The following DCDC1 variants were observed in gnomAD, a reference collection of about 807,000 sequenced individuals.
DCDC1 encodes doublecortin domain-containing protein 1.
DCDC1 carries 200 observed loss-of-function variants against 178.3 expected under a neutral mutation model. The ratio of observed to expected loss-of-function variants is 1.12; its 90% CI spans 1.00 to 1.26. DCDC1 has a LOEUF of 1.26. Ranked by LOEUF, DCDC1 falls within the 50% of genes most tolerant of loss-of-function variation. The pLI is 0.00. For missense variants in DCDC1, 1,983 were observed against 1,749.2 expected, an observed-to-expected ratio of 1.13 and a Z score of -2.38; for synonymous variants, 690 against 604.8, an observed-to-expected ratio of 1.14 and a Z score of -2.07.
chr11:30,939,713 G>T (rs913613664), intron 21 of DCDC1, among the ~76,000 whole-genome samples: 4 of 151,964 alleles, frequency 2.6e-5, no homozygotes, highest in African/African-American at 9.7e-5. Context: ...TTTGCTTATT[G>T]TGACCTTCTA....
chr11:31,345,134 A>G (rs1411992786), intron 1 of DCDC1, among the ~76,000 whole-genome samples: 1 of 152,188 alleles, frequency 6.6e-6, no homozygotes, highest in Non-Finnish European at 1.5e-5. Context: ...TTATAACCTT[A>G]TGGTCAAAGG....
rs763722980 is a variant in DCDC1, at chr11:31,307,931, G to T, written c.165-23C>A. On this transcript the variant is annotated intron_variant, in intron 3 of 38. Transcript: ENST00000684477. ...TCTCTGGAAGAAACAATGCATGGAA[G>T]AATACAATTAATTGATTTGTAATCA... 7.4e-6 allele frequency: 12 copies of T among 1,611,144 alleles called. No individual in the cohort carries two copies. In the African/African-American group the frequency reaches 1.5e-4, roughly 20 times the overall value.
rs1262328001 is a variant in DCDC1 at position 31,241,487 on chromosome 11, T to C, written c.1184A>G (p.Tyr395Cys). 6 of 397,342 alleles carry C rather than the reference T, an allele frequency of 1.5e-5. No individual in the cohort carries two copies. The East Asian group carries it at 2.1e-4, about 14-fold the overall frequency. The allele number at this position is 397,342 out of a possible 1,614,324, so 24.6% of individuals were successfully genotyped here. A position where few individuals can be genotyped will look rare whatever the true frequency, so the allele number is the denominator to read the frequency against. The change falls in exon 9 of 39, where the codon TAC (tyrosine) becomes TGC (cysteine). Residue 395 changes from tyrosine to cysteine, a missense_variant. By Grantham distance (194) the Tyr-to-Cys change is radical. Coordinates refer to ENST00000684477, the MANE Select transcript of DCDC1 (RefSeq NM_001387274.1). The part of the protein sequence containing the change: ...MYIQGVLLAL[Y>C]QRLKSAKKYY... ...TTTTTTTGCAGACTTTAATCGTTGGTACAGGGCCAAAAGAACTCCTTGGAT... is the reference window on the plus strand; with the variant it reads ...TTTTTTTGCAGACTTTAATCGTTGGCACAGGGCCAAAAGAACTCCTTGGAT...
chr11:30,937,404 C>G (rs954577072), intron 21 of DCDC1, among the ~76,000 whole-genome samples: 1 of 152,110 alleles, frequency 6.6e-6, no homozygotes, highest in Non-Finnish European at 1.5e-5. Context: ...CTCCCCCAGT[C>G]CTCATCAATG....
At chr11:31,054,738 G>T (rs1461860270) in intron 20 of DCDC1, among the ~76,000 whole-genome samples, 1 of 152,194 alleles carries the variant, frequency 6.6e-6, no homozygotes, top group Non-Finnish European at 1.5e-5. Context: ...AGTGGGGAAA[G>T]GACACCTTTT....
At chr11:31,340,270 C>T (rs1395003023) in intron 1 of DCDC1, among the ~76,000 whole-genome samples, 1 of 151,994 alleles carries the variant, frequency 6.6e-6, no homozygotes, top group Non-Finnish European at 1.5e-5. Flanking sequence ...ACAAATCTAC[C>T]CCACACTATT....
At chr11:31,028,143 A>AT (rs1242544779) in intron 20 of DCDC1, among the ~76,000 whole-genome samples, 3 of 152,010 alleles carry the variant, frequency 2.0e-5, no homozygotes, top group Non-Finnish European at 4.4e-5. Context: ...TAATAAAGCT[A>AT]TTTTTTCTAA....
intron 9 of DCDC1, among the ~76,000 whole-genome samples, chr11:31,204,091 C>G (rs1323078270): frequency 6.6e-6 from 1 of 152,062 alleles, no homozygotes; most frequent in Non-Finnish European, 1.5e-5. Context: ...CCTACCATGT[C>G]CAATTTCAAG....
intron 21 of DCDC1, among the ~76,000 whole-genome samples, chr11:30,935,151 C>G (rs1947195093): frequency 6.6e-6 from 1 of 152,170 alleles, no homozygotes; most frequent in South Asian, 2.1e-4. Flanking sequence ...GGCAGGGAGA[C>G]CTTGGCCCCT....
At chr11:31,289,998 A>G (rs1002441477) in intron 7 of DCDC1, among the ~76,000 whole-genome samples, 2 of 152,034 alleles carry the variant, frequency 1.3e-5, no homozygotes, top group Non-Finnish European at 2.9e-5. Flanking sequence ...AAAAAAATGT[A>G]TGTGTGTTTC....
rs905534520 is a variant in DCDC1 at position 31,219,807 on chromosome 11, G to A, written c.1221+21643C>T. Among the ~76,000 whole-genome samples, 7 of 152,098 alleles carry A rather than the reference G, an allele frequency of 4.6e-5. No homozygotes were observed. In the South Asian group the frequency reaches 1.5e-3, roughly 32 times the overall value. On this transcript the variant is annotated intron_variant, in intron 9 of 38. Transcript: ENST00000684477. ...GCACATATAAATTTTACCATTTTTAGGTATTATCTCATTTTTAAGTGTTTA... is the reference window on the plus strand; with the variant it reads ...GCACATATAAATTTTACCATTTTTAAGTATTATCTCATTTTTAAGTGTTTA...
intron 20 of DCDC1, among the ~76,000 whole-genome samples, chr11:31,058,679 T>C (rs1217764320): frequency 6.6e-6 from 1 of 152,074 alleles, no homozygotes. Flanking sequence ...TTGAAAGATA[T>C]GGAACTGAGG....
rs191076018 is a variant in DCDC1, at chr11:31,301,691, C to T, written c.754+3924G>A. On this transcript the variant is annotated intron_variant, in intron 6 of 38. Coordinates refer to ENST00000684477, the MANE Select transcript of DCDC1 (RefSeq NM_001387274.1). ...GCTATTTAGAATGTGTCTTGTGTGT[C>T]GTGGAATTGAAATATTTCCAAATCA... Among the ~76,000 whole-genome samples the T allele has an allele frequency of 6.6e-4, 100 of 152,124 alleles. 1 individual carries two copies. The highest frequency in any genetic ancestry group is 2.0e-3 in the African/African-American group (81 of 41,510).
At chr11:31,003,239 C>T (rs1951669443) in intron 20 of DCDC1, among the ~76,000 whole-genome samples, 10 of 151,872 alleles carry the variant, frequency 6.6e-5, no homozygotes, top group Admixed American at 6.6e-4. Flanking sequence ...CACAAGCTGC[C>T]ACGAAGCACT....
At chr11:30,881,638 A>AT (rs987646225) in intron 36 of DCDC1, among the ~76,000 whole-genome samples, 83 of 152,046 alleles carry the variant, frequency 5.5e-4, no homozygotes, top group African/African-American at 1.7e-3. Flanking sequence ...GCTAAAAACA[A>AT]TTTTTTTTAG....
chr11:31,068,494 T>A (rs988260265), intron 18 of DCDC1, among the ~76,000 whole-genome samples: 2 of 152,150 alleles, frequency 1.3e-5, no homozygotes, highest in Admixed American at 6.6e-5. Flanking sequence ...GATGTCAGTA[T>A]GAAAAGATGG....
At chr11:31,138,850 G>C (rs1963478806) in intron 9 of DCDC1, among the ~76,000 whole-genome samples, 1 of 152,062 alleles carries the variant, frequency 6.6e-6, no homozygotes, top group Non-Finnish European at 1.5e-5. Flanking sequence ...TAGAATAATA[G>C]TATTAAACCT....
intron 20 of DCDC1, among the ~76,000 whole-genome samples, chr11:31,039,124 A>G (rs2135334853): frequency 6.6e-6 from 1 of 152,244 alleles, no homozygotes; most frequent in Non-Finnish European, 1.5e-5. Context: ...TTCCAAAATT[A>G]TTATTTTACC....
chr11:30,954,034 C>T (rs1482913305), intron 20 of DCDC1, among the ~76,000 whole-genome samples: 9 of 99,274 alleles, frequency 9.1e-5, no homozygotes, highest in African/African-American at 3.8e-4. Flanking sequence ...TTTTTTGAGA[C>T]AGAGTCTCGC....
Sources: allele counts gnomAD v4.1 joint callset (sites outside exome capture counted in the v4.1 genomes callset), GRCh38; gene constraint gnomAD v4.1.1; transcripts MANE v1.5; gene names NCBI Gene and HGNC (gene_info 2026-07-23, HGNC 2026-07-21).